The following AK7 variants were observed in gnomAD, a reference collection of about 807,000 sequenced individuals.
The protein encoded by AK7 is adenylate kinase 7.
AK7 carries 78 observed loss-of-function variants against 96.6 expected under a neutral mutation model. The observed-to-expected ratio is 0.81, with a 90% confidence interval of 0.67 to 0.97. AK7 has a LOEUF of 0.97. Ranked by LOEUF, AK7 falls within the 50% of genes least tolerant of loss-of-function variation. The probability of loss-of-function intolerance (pLI) is 0.00; values close to 1 mark genes in which losing one functional copy is unlikely to be tolerated. For missense variants in AK7, 855 were observed against 887.9 expected (o/e 0.96, Z 0.47); for synonymous variants, 302 against 317.2 (o/e 0.95, Z 0.51).
At chr14:96,477,200 C>T (rs1411584385) in intron 14 of AK7, among the ~76,000 whole-genome samples, 4 of 152,186 alleles carry the variant, frequency 2.6e-5, no homozygotes, top group Non-Finnish European at 5.9e-5. Flanking sequence ...TTTATAGGAT[C>T]TTATTCCACA....
chr14:96,423,424 A>G (rs1468780128), intron 5 of AK7, among the ~76,000 whole-genome samples: 1 of 152,084 alleles, frequency 6.6e-6, no homozygotes, highest in Non-Finnish European at 1.5e-5. Flanking sequence ...CTGGGTTGCT[A>G]TTTTCATAAT....
chr14:96,436,481 T>A (rs1311045803), intron 5 of AK7, among the ~76,000 whole-genome samples: 2 of 151,898 alleles, frequency 1.3e-5, no homozygotes, highest in Non-Finnish European at 2.9e-5. Flanking sequence ...CCTGTCTCTA[T>A]TAAAAGTACA....
rs761068887 is a variant in AK7, at chr14:96,488,314, CTCT to C, written c.2146_2148del (p.Phe716del). On this transcript the variant is annotated inframe_deletion, in exon 18 of 18. Transcript: ENST00000267584. The stretch of plus-strand genomic sequence containing the variant: ...TTTTTTTAAATTGTAGGCAGAATAT[CTCT>C]TCAAGAACAATCCTGAAGCACAGTG... 92 of 1,611,698 alleles carry C rather than the reference CTCT, an allele frequency of 5.7e-5. No homozygotes were observed. The highest frequency in any genetic ancestry group is 5.6e-5 in the Non-Finnish European group (66 of 1,178,272).
intron 4 of AK7, among the ~76,000 whole-genome samples, chr14:96,415,777 T>TAAA (rs1891305775): frequency 6.7e-6 from 1 of 149,380 alleles, no homozygotes; most frequent in Non-Finnish European, 1.5e-5. Context: ...ATTAATTAAA[T>TAAA]TAATTTAATA....
chr14:96,431,309 A>G (rs1416198116), intron 5 of AK7, among the ~76,000 whole-genome samples: 3 of 151,722 alleles, frequency 2.0e-5, no homozygotes, highest in African/African-American at 7.3e-5. Flanking sequence ...TAGCTTTTGA[A>G]TTTGTTTGCT....
chr14:96,435,727 G>A (rs1318540235), intron 5 of AK7, among the ~76,000 whole-genome samples: 1 of 152,184 alleles, frequency 6.6e-6, no homozygotes, highest in Non-Finnish European at 1.5e-5. Context: ...TGATACCGGA[G>A]AGCCCCCTCT....
intron 16 of AK7, among the ~76,000 whole-genome samples, chr14:96,486,582 C>G (rs1160856071): frequency 6.6e-6 from 1 of 150,792 alleles, no homozygotes; most frequent in African/African-American, 2.4e-5. Context: ...GTATGCTGAG[C>G]AAAGAATTGC....
intron 16 of AK7, among the ~76,000 whole-genome samples, chr14:96,483,994 G>C (rs28686887): frequency 0.18 from 26,589 of 151,828 alleles, 2,445 homozygotes; most frequent in African/African-American, 0.23. Flanking sequence ...CTTTGGGAGG[G>C]TGAGGCTGGA....
chr14:96,459,960 T>C (rs1894164023), intron 12 of AK7, among the ~76,000 whole-genome samples: 1 of 152,036 alleles, frequency 6.6e-6, no homozygotes, highest in East Asian at 1.9e-4. Context: ...AAATGGAAAA[T>C]TATTCTTACT....
In AK7 at chr14:96,408,948, A is replaced by T. The variant is rs777837815; in HGVS notation, c.498+7A>T. 1.4e-5 allele frequency: 22 copies of T among 1,613,500 alleles called. No homozygotes were observed. The Admixed American group carries it at 2.5e-4, about 18-fold the overall frequency. On this transcript the variant is annotated splice_region_variant and intron_variant, in intron 4 of 17. Transcript: ENST00000267584. ...CTCCAAAGCCCTGGACCCCGTAAGTAGAGCGTTAGCTTTCCTTTAGGTAAC... is the reference window on the plus strand; with the variant it reads ...CTCCAAAGCCCTGGACCCCGTAAGTTGAGCGTTAGCTTTCCTTTAGGTAAC...
chr14:96,394,807 C>A (rs557125246), intron 1 of AK7, among the ~76,000 whole-genome samples: 1 of 152,184 alleles, frequency 6.6e-6, no homozygotes, highest in Non-Finnish European at 1.5e-5. Flanking sequence ...AAAATCCCAT[C>A]TCTACTAAAA....
intron 5 of AK7, among the ~76,000 whole-genome samples, chr14:96,437,253 T>C (rs1361868304): frequency 3.3e-5 from 5 of 150,986 alleles, no homozygotes; most frequent in Admixed American, 3.3e-4. Flanking sequence ...CTTGAAGGGA[T>C]GGATACCCCA....
rs187962943 is a variant in AK7, at chr14:96,482,495, C to G, written c.1754-504C>G. On this transcript the variant is annotated intron_variant, in intron 15 of 17. Transcript: ENST00000267584. ...CTTTTTCTTCTCTTTGGTCTTGATA[C>G]TAACATTTTTCAGATATTCTGGAGT... Among the ~76,000 whole-genome samples the G allele has an allele frequency of 4.6e-5, 7 of 152,298 alleles. No homozygotes were observed. In the East Asian group the frequency reaches 1.2e-3, roughly 25 times the overall value.
chr14:96,448,431 G>C (rs1465001526), intron 8 of AK7, among the ~76,000 whole-genome samples: 1 of 151,742 alleles, frequency 6.6e-6, no homozygotes, highest in African/African-American at 2.4e-5. Flanking sequence ...AGGAGTCCAA[G>C]ACCAGCATTG....
chr14:96,464,980 T>C (rs1428999388), intron 12 of AK7, among the ~76,000 whole-genome samples: 3 of 152,224 alleles, frequency 2.0e-5, no homozygotes, highest in Non-Finnish European at 4.4e-5. Context: ...AGGATGTATC[T>C]AGCTTGACAA....
At chr14:96,396,401 C>G (rs745837289) in intron 1 of AK7, among the ~76,000 whole-genome samples, 8 of 152,190 alleles carry the variant, frequency 5.3e-5, no homozygotes, top group Non-Finnish European at 1.2e-4. Context: ...CAATGCCACC[C>G]CAGCCCCATC....
chr14:96,445,327 A>G (rs1047806381), intron 7 of AK7, among the ~76,000 whole-genome samples: 1 of 152,234 alleles, frequency 6.6e-6, no homozygotes, highest in Non-Finnish European at 1.5e-5. Context: ...CAAATATTTA[A>G]CAGAGGAAAA....
intron 15 of AK7, among the ~76,000 whole-genome samples, chr14:96,480,439 A>T (rs1468239452): frequency 6.6e-6 from 1 of 152,096 alleles, no homozygotes; most frequent in Admixed American, 6.5e-5. Context: ...CAAAAAAAAA[A>T]AAAGAAATAC....
At chr14:96,430,367 A>C (rs1241256168) in intron 5 of AK7, among the ~76,000 whole-genome samples, 2 of 151,820 alleles carry the variant, frequency 1.3e-5, no homozygotes, top group Non-Finnish European at 2.9e-5. Flanking sequence ...TTGTATTTTT[A>C]GTAGAGACGG....
Sources: gnomAD v4.1 joint callset for allele counts (sites outside exome capture counted in the v4.1 genomes callset) on GRCh38, gnomAD v4.1.1 for gene constraint, MANE v1.5 for transcripts, NCBI Gene and HGNC (gene_info 2026-07-23, HGNC 2026-07-21) for gene names.